Variants in FCER2 observed in about 807,000 individuals in gnomAD.
The protein encoded by FCER2 is Fc epsilon receptor II.
In FCER2, 38 loss-of-function variants were observed where a neutral mutation model predicts 49.7. The ratio of observed to expected loss-of-function variants is 0.76; its 90% CI spans 0.59 to 1.00. The LOEUF (loss-of-function observed/expected upper bound fraction) is 1.00, where lower values mean the gene tolerates loss of function less well. Among genes scored for constraint, FCER2 ranks in the 50% least tolerant of loss-of-function variants. The probability of loss-of-function intolerance (pLI) is 0.00; values close to 1 mark genes in which losing one functional copy is unlikely to be tolerated. For missense variants in FCER2, 425 were observed against 419.5 expected (o/e 1.01, Z -0.11); for synonymous variants, 163 against 164.6 (o/e 0.99, Z 0.07).
At chr19:7,699,269 C>A in intron 2 of FCER2, 1 of 615,746 alleles carries the variant, frequency 1.6e-6, no homozygotes. Context: ...CACTCCCCAG[C>A]CACTTTCCCA....
At chr19:7,691,941 C>G (rs2032882671) in intron 8 of FCER2, among the ~76,000 whole-genome samples, 1 of 149,014 alleles carries the variant, frequency 6.7e-6, no homozygotes, top group South Asian at 2.1e-4. Flanking sequence ...TGTCCAACAA[C>G]ACATCAACTA....
intron 8 of FCER2, among the ~76,000 whole-genome samples, chr19:7,696,504 G>A (rs1469154889): frequency 6.6e-6 from 1 of 152,112 alleles, no homozygotes; most frequent in Non-Finnish European, 1.5e-5. Context: ...TCAAAGTGCT[G>A]GGATTACAGG....
rs200736793 is a variant in FCER2, at chr19:7,689,408, T to A, written c.751A>T (p.Thr251Ser). 3.2e-6 allele frequency: 5 copies of A among 1,571,158 alleles called. No homozygotes were observed. The South Asian group carries it at 5.7e-5, about 18-fold the overall frequency. Residue 251 changes from threonine to serine, a missense_variant, in exon 11 of 11, where the codon ACC (threonine) becomes TCC (serine). Physicochemically the swap from Thr to Ser is moderately conservative, Grantham distance 58 (BLOSUM62 1). Transcript: ENST00000597921. ...DYSNWAPGEP[T>S]SRSQGEDCVM... is the part of the protein sequence containing the mutation. ...CAGTCCTCGCCCTGGCTCCGGCTGG[T>A]GGGCTCCCCTGGAGCCCAGTTGCTG... is the stretch of plus-strand genomic sequence containing the variant.
At chr19:7,699,970 C>T in intron 1 of FCER2, 125 bp from the exon 2 acceptor site, 1 of 617,488 alleles carries the variant, frequency 1.6e-6, no homozygotes, top group South Asian at 1.9e-5. Context: ...ACAATCTGGA[C>T]TCACTAGCGT....
intron 5 of FCER2, 86 bp from the exon 6 acceptor site, chr19:7,697,384 TG>T: frequency 6.5e-7 from 1 of 1,528,050 alleles, no homozygotes; most frequent in Non-Finnish European, 9.1e-7. Flanking sequence ...TCTCTTTGCC[TG>T]GGTTCTTGGA....
intron 10 of FCER2, among the ~76,000 whole-genome samples, 192 bp from the exon 11 acceptor site, chr19:7,689,622 T>C (rs1043997600): frequency 6.6e-6 from 1 of 151,906 alleles, no homozygotes; most frequent in African/African-American, 2.4e-5. Context: ...TGTTTGTTTG[T>C]TTATTTATTT....
chr19:7,690,151 C>T lies in FCER2; in HGVS notation c.728+8G>A, dbSNP rs915166798. 1.9e-6 allele frequency: 3 copies of T among 1,575,146 alleles called. No homozygotes were observed. Among genetic ancestry groups the T allele is most frequent in the Non-Finnish European group, 1.7e-6 (2 of 1,144,944 alleles). ...TCCTCCCCTGGATCCCAGAGGCCCC[C>T]TCCTCACCTGTAGTCCACGTGGCTC... On this transcript the variant is annotated splice_region_variant and intron_variant, in intron 10 of 10. Transcript: ENST00000597921.
In FCER2 at chr19:7,698,398, T is replaced by C. The variant is rs1312596290; in HGVS notation, c.148A>G (p.Thr50Ala). ...TLLLLWHWDT[T>A]QSLKQLEERA... is the part of the protein sequence containing the mutation. Reference sequence around the variant, plus strand: ...TCTTCCAGCTGTTTTAGACTCTGTGTGGTGTCCCAGTCTGGGGAGGGGGAG... The same window carrying C: ...TCTTCCAGCTGTTTTAGACTCTGTGCGGTGTCCCAGTCTGGGGAGGGGGAG... Residue 50 changes from threonine (T) to alanine (A), a missense_variant, in exon 4 of 11, where the codon ACA becomes GCA. Physicochemically the swap from Thr to Ala is moderately conservative, Grantham distance 58. Transcript: ENST00000597921. The C allele has an allele frequency of 1.2e-6, 2 of 1,612,166 alleles. No individual in the cohort carries two copies. The highest frequency in any genetic ancestry group is 2.7e-5 in the African/African-American group (2 of 74,786).
chr19:7,690,484 G>T lies in FCER2; in HGVS notation c.543C>A (p.Thr181=). The T allele has an allele frequency of 6.2e-7, 1 of 1,614,034 alleles. No individual in the cohort carries two copies. Among genetic ancestry groups the T allele is most frequent in the Non-Finnish European group, 8.5e-7 (1 of 1,179,958 alleles). ...CATACCGGGCGTGGACCCACTGCTT[G>T]GTGCCCTTGCCGAAGTAGTAGCACT... ...QRKCYYFGKG[T]KQWVHARYAC... The change falls in exon 9 of 11, where the codon ACC becomes ACA. Residue 181 remains threonine, a synonymous_variant. Transcript: ENST00000597921.
chr19:7,694,808 T>C (rs2146274587), intron 8 of FCER2, among the ~76,000 whole-genome samples: 1 of 151,268 alleles, frequency 6.6e-6, no homozygotes, highest in South Asian at 2.1e-4. Context: ...ACGGCAGGGC[T>C]GTAAAACCCC....
chr19:7,698,712 G>A, intron 3 of FCER2, 29 bp downstream of exon 3: 2 of 1,606,890 alleles, frequency 1.2e-6, no homozygotes, highest in Non-Finnish European at 1.7e-6. Context: ...TGAGTTGGGG[G>A]GACCACATGG....
chr19:7,700,978 T>C (rs1276941669), intron 1 of FCER2, among the ~76,000 whole-genome samples: 1 of 151,984 alleles, frequency 6.6e-6, no homozygotes, highest in African/African-American at 2.4e-5. Context: ...ACCTGGCTAA[T>C]TTTTGTATTT....
chr19:7,698,271 G>A (rs1312440040), intron 4 of FCER2, 85 bp downstream of exon 4: 4 of 964,508 alleles, frequency 4.1e-6, no homozygotes, highest in African/African-American at 1.6e-5. Context: ...CTTAGCGAGG[G>A]GACACTGAGG....
At position 7,697,447 on chromosome 19, in the gene FCER2, TC is replaced by T. The variant is rs1277774614; in HGVS notation, c.253+79del. 1.5e-4 allele frequency: 222 copies of T among 1,484,872 alleles called. 1 individual carries two copies. In the East Asian group the frequency reaches 4.6e-3, roughly 31 times the overall value. The allele number at this position is 1,484,872 out of a possible 1,614,324, so 92.0% of individuals were successfully genotyped here. On this transcript the variant is annotated intron_variant, in intron 5 of 10. Transcript: ENST00000597921. The stretch of plus-strand genomic sequence containing the variant: ...GGTGTCGGGGGTGGGGCACAGTGAG[TC>T]TTAATGCTCTGGGTCCAGGAAGTCA...
At position 7,698,418 on chromosome 19, in the gene FCER2, G is replaced by T; in HGVS notation, c.137-9C>A. On this transcript the variant is annotated splice_polypyrimidine_tract_variant and intron_variant, in intron 3 of 10. Coordinates refer to ENST00000597921, the MANE Select transcript of FCER2 (RefSeq NM_001220500.2). ...CTGTGTGGTGTCCCAGTCTGGGGAG[G>T]GGGAGAGAAGAGGAGTGGAGAGGGG... The T allele has an allele frequency of 6.2e-7, 1 of 1,608,454 alleles. No individual in the cohort carries two copies. Among genetic ancestry groups the T allele is most frequent in the Non-Finnish European group, 8.5e-7 (1 of 1,176,160 alleles).
intron 5 of FCER2, 31 bp from the exon 6 acceptor site, chr19:7,697,329 G>A (rs751548674): frequency 3.7e-6 from 6 of 1,610,778 alleles, no homozygotes; most frequent in East Asian, 2.2e-5. Context: ...TTCATGGTAA[G>A]CAGGTCCTCA....
At position 7,696,819 on chromosome 19, in the gene FCER2, A is replaced by T. The variant is rs537097690; in HGVS notation, c.469+6T>A. 2 of 1,565,282 alleles carry T rather than the reference A, an allele frequency of 1.3e-6. No homozygotes were observed. Among genetic ancestry groups the T allele is most frequent in the African/African-American group, 2.7e-5 (2 of 73,912 alleles). On this transcript the variant is annotated splice_donor_region_variant and intron_variant, in intron 8 of 10. Coordinates refer to ENST00000597921, the MANE Select transcript of FCER2 (RefSeq NM_001220500.2). ...CGTCGTCCTGAGCAGAGACTCACACACTCACCGCTGGACACCTGCAACTCC... is the reference window on the plus strand; with the variant it reads ...CGTCGTCCTGAGCAGAGACTCACACTCTCACCGCTGGACACCTGCAACTCC...
intron 2 of FCER2, chr19:7,699,439 T>C (rs1156554568): frequency 6.8e-7 from 1 of 1,462,110 alleles, no homozygotes; most frequent in African/African-American, 1.4e-5. Context: ...CTATTTGGCC[T>C]CTGACTCTAT....
In FCER2 at chr19:7,699,862, T is replaced by C; in HGVS notation, c.-85-17A>G. 2.6e-6 allele frequency: 3 copies of C among 1,144,438 alleles called. No homozygotes were observed. Among genetic ancestry groups the C allele is most frequent in the South Asian group, 2.5e-5 (2 of 78,570 alleles). 70.9% of individuals were successfully genotyped at this position (1,144,438 alleles called of 1,614,324 possible). A position where few individuals can be genotyped will look rare whatever the true frequency, so the allele number is the denominator to read the frequency against. On this transcript the variant is annotated splice_polypyrimidine_tract_variant and intron_variant, in intron 1 of 10. Transcript: ENST00000597921. ...CAGCTCTGGCTGATTTGGGATTTAA[T>C]GATGGTTAGGGTGAGCCATCAAATC...
Sources: allele counts gnomAD v4.1 joint callset (sites outside exome capture counted in the v4.1 genomes callset), GRCh38; gene constraint gnomAD v4.1.1; transcripts MANE v1.5; gene names NCBI Gene and HGNC (gene_info 2026-07-23, HGNC 2026-07-21).